The following ABCG8 variants were observed in gnomAD, a reference collection of about 807,000 sequenced individuals.
ABCG8 encodes the protein ATP-binding cassette sub-family G member 8.
A neutral mutation model predicts 71.3 loss-of-function variants in ABCG8; 81 were observed. That is an observed-to-expected ratio of 1.14 (90% confidence interval 0.95 to 1.37). ABCG8 has a LOEUF of 1.37. ABCG8 is among the 40% of genes most tolerant of loss of function. The probability of loss-of-function intolerance (pLI) is 0.00; values close to 1 mark genes in which losing one functional copy is unlikely to be tolerated. For synonymous variants in ABCG8, 451 were observed against 354.7 expected (o/e 1.27, Z -3.05); for missense variants, 1,119 against 866.2 (o/e 1.29, Z -3.66).
At position 43,839,066 on chromosome 2, in the gene ABCG8, G is replaced by A. The variant is rs201317673; in HGVS notation, c.13G>A (p.Ala5Thr). The change falls in exon 1 of 13, where the codon GCG (alanine) becomes ACG (threonine). Residue 5 changes from alanine to threonine, a missense_variant. Transcript: ENST00000272286. The part of the protein sequence containing the change: MAGK[A>T]AEERGLPKGA... ...ACCTGTGGGCCCCATGGCCGGGAAG[G>A]CGGCAGAGGAGAGAGGGCTGCCGAA... is the stretch of plus-strand genomic sequence containing the variant. The A allele has an allele frequency of 4.5e-6, 7 of 1,551,146 alleles. No individual in the cohort carries two copies. Among genetic ancestry groups the A allele is most frequent in the South Asian group, 1.2e-5 (1 of 84,044 alleles).
intron 6 of ABCG8, among the ~76,000 whole-genome samples, chr2:43,870,147 CA>C (rs1283940648): frequency 9.9e-5 from 15 of 151,918 alleles, no homozygotes; most frequent in African/African-American, 3.4e-4. Context: ...ATGGAACTCT[CA>C]CTACCTGTCT....
At chr2:43,860,466 T>A (rs933078463) in intron 6 of ABCG8, among the ~76,000 whole-genome samples, 1 of 151,428 alleles carries the variant, frequency 6.6e-6, no homozygotes, top group Non-Finnish European at 1.5e-5. Flanking sequence ...TGGATAGAAC[T>A]CTCACTATCT....
At chr2:43,875,017 C>A (rs532221631) in intron 10 of ABCG8, 129 bp from the exon 11 acceptor site, 3 of 1,348,458 alleles carry the variant, frequency 2.2e-6, no homozygotes, top group African/African-American at 1.4e-5. Context: ...CCCAGCACAC[C>A]CTCCTGCCAC....
intron 1 of ABCG8, among the ~76,000 whole-genome samples, chr2:43,843,718 T>A (rs905409537): frequency 6.6e-6 from 1 of 152,146 alleles, no homozygotes; most frequent in Middle Eastern, 3.2e-3. Flanking sequence ...GTTTAAATGA[T>A]TGAATTGTCA....
At position 43,851,509 on chromosome 2, in the gene ABCG8, G is replaced by A. The variant is rs1251967701; in HGVS notation, c.323-75G>A. 46 of 1,520,376 alleles carry A rather than the reference G, an allele frequency of 3.0e-5. No individual in the cohort carries two copies. The South Asian group carries it at 5.0e-4, about 16-fold the overall frequency. The allele number at this position is 1,520,376 out of a possible 1,614,324, so 94.2% of individuals were successfully genotyped here. ...AGAGTAGTCCGGGGTCCTGGAGAGT[G>A]TATGGGGAGCAGTGGCTGACAGCCT... On this transcript the variant is annotated intron_variant, in intron 3 of 12. Coordinates refer to ENST00000272286, the MANE Select transcript of ABCG8 (RefSeq NM_022437.3).
chr2:43,868,888 G>C (rs1423205523), intron 6 of ABCG8, among the ~76,000 whole-genome samples: 1 of 151,156 alleles, frequency 6.6e-6, no homozygotes, highest in Non-Finnish European at 1.5e-5. Flanking sequence ...CCTCTGGATA[G>C]AGCTCTCACA....
intron 8 of ABCG8, 96 bp downstream of exon 8, chr2:43,872,402 A>G: frequency 7.3e-7 from 1 of 1,371,250 alleles, no homozygotes; most frequent in Non-Finnish European, 1.0e-6. Flanking sequence ...TTAAAGGAGA[A>G]AGTGAGAGGT....
Position 43,864,695 on chromosome 2 carries a change from T to A in ABCG8, c.965-7281T>A, listed in dbSNP as rs986169582. Among the ~76,000 whole-genome samples the A allele has an allele frequency of 6.6e-5, 10 of 151,930 alleles. No individual in the cohort carries two copies. The South Asian group carries it at 2.1e-3, about 32-fold the overall frequency. ...CTCTGCATAGAACTCTCACTATCTA[T>A]CTGGATAGAATTCCCACCCTCTAGG... On this transcript the variant is annotated intron_variant, in intron 6 of 12. Transcript: ENST00000272286.
intron 1 of ABCG8, among the ~76,000 whole-genome samples, chr2:43,844,258 G>A (rs926372648): frequency 2.6e-5 from 4 of 152,128 alleles, no homozygotes; most frequent in African/African-American, 9.7e-5. Context: ...TGAGGTTGAG[G>A]TTCTCTGGGA....
chr2:43,859,881 C>G (rs1669244348), intron 6 of ABCG8, among the ~76,000 whole-genome samples: 1 of 151,426 alleles, frequency 6.6e-6, no homozygotes, highest in Non-Finnish European at 1.5e-5. Context: ...AGAACTCTCA[C>G]TATCTATCTG....
At chr2:43,854,376 C>G (rs1439257236) in intron 6 of ABCG8, among the ~76,000 whole-genome samples, 1 of 152,202 alleles carries the variant, frequency 6.6e-6, no homozygotes, top group African/African-American at 2.4e-5. Context: ...GCCTGTAATC[C>G]CAGCACTTTC....
At position 43,839,028 on chromosome 2, in the gene ABCG8, C is replaced by G. The variant is rs1440012336; in HGVS notation, c.-26C>G. 1.3e-6 allele frequency: 2 copies of G among 1,549,894 alleles called. No homozygotes were observed. On this transcript the variant is annotated 5_prime_UTR_variant, in exon 1 of 13. Coordinates refer to ENST00000272286, the MANE Select transcript of ABCG8 (RefSeq NM_022437.3). ...GCAGCTGGGTCTAAGAGAGCTGCAG[C>G]CCAGGGTCACAGACCTGTGGGCCCC...
At chr2:43,858,664 G>A (rs1669196263) in intron 6 of ABCG8, among the ~76,000 whole-genome samples, 2 of 145,028 alleles carry the variant, frequency 1.4e-5, no homozygotes, top group Admixed American at 6.8e-5. Flanking sequence ...TTCACTACCT[G>A]TCTGGATAGA....
In ABCG8 at chr2:43,852,659, T is replaced by C. The variant is rs1319111359; in HGVS notation, c.755T>C (p.Val252Ala). The change falls in exon 6 of 13, where the codon GTG becomes GCG. Residue 252 changes from valine (V) to alanine (A), a missense_variant. Physicochemically the swap from Val to Ala is moderately conservative, Grantham distance 64. Coordinates refer to ENST00000272286, the MANE Select transcript of ABCG8 (RefSeq NM_022437.3). ...GLDSFTAHNL[V>A]KTLSRLAKGN... ...GACAGCTTCACAGCCCACAACCTGG[T>C]GAAGACCTTGTCCAGGCTGGCCAAA... 6.2e-7 allele frequency: 1 copy of C among 1,614,190 alleles called. No individual in the cohort carries two copies. The highest frequency in any genetic ancestry group is 1.1e-5 in the South Asian group (1 of 91,088).
At position 43,878,018 on chromosome 2, in the gene ABCG8, C is replaced by T. The variant is rs1051600728; in HGVS notation, c.*105C>T. The T allele has an allele frequency of 1.3e-6, 2 of 1,532,752 alleles. No individual in the cohort carries two copies. The highest frequency in any genetic ancestry group is 2.7e-5 in the African/African-American group (2 of 73,200). 94.9% of individuals were successfully genotyped at this position (1,532,752 alleles called of 1,614,324 possible). A position where few individuals can be genotyped will look rare whatever the true frequency, so the allele number is the denominator to read the frequency against. On this transcript the variant is annotated 3_prime_UTR_variant, in exon 13 of 13. Coordinates refer to ENST00000272286, the MANE Select transcript of ABCG8 (RefSeq NM_022437.3). ...GGGGACAGTGAGGACAATGACCCTA[C>T]AGATGCTCAGCTACATCCGGCCCAG...
intron 3 of ABCG8, among the ~76,000 whole-genome samples, chr2:43,851,247 G>A (rs766980524): frequency 4.6e-5 from 7 of 152,214 alleles, no homozygotes; most frequent in African/African-American, 1.2e-4. Flanking sequence ...GGTGGCAGGA[G>A]GGGACAAATG....
chr2:43,869,823 C>T (rs1453074876), intron 6 of ABCG8, among the ~76,000 whole-genome samples: 22 of 150,522 alleles, frequency 1.5e-4, no homozygotes, highest in Admixed American at 1.5e-3. Context: ...CACCATCTGG[C>T]TAGAACCCTC....
chr2:43,873,351 A>G (rs1669846278), intron 8 of ABCG8, among the ~76,000 whole-genome samples: 1 of 151,548 alleles, frequency 6.6e-6, no homozygotes, highest in Non-Finnish European at 1.5e-5. Flanking sequence ...ACCACTCCTG[A>G]CTAATTTTTT....
In ABCG8 at chr2:43,879,746, G is replaced by GT. The variant is rs1558868531; in HGVS notation, c.*1836dup. On this transcript the variant is annotated 3_prime_UTR_variant, in exon 13 of 13. Coordinates refer to ENST00000272286, the MANE Select transcript of ABCG8 (RefSeq NM_022437.3). ...TCACTTTTGTGACCTTGATACTTGA[G>GT]TTTGAAGGCTGTCTCTCAATTTGTG... The GT allele has an allele frequency of 1.3e-5, 2 of 152,162 alleles. No homozygotes were observed. The highest frequency in any genetic ancestry group is 2.9e-5 in the Non-Finnish European group (2 of 68,040). 9.4% of individuals were successfully genotyped at this position (152,162 alleles called of 1,614,324 possible). A position where few individuals can be genotyped will look rare whatever the true frequency, so the allele number is the denominator to read the frequency against.
Sources: allele counts gnomAD v4.1 joint callset (sites outside exome capture counted in the v4.1 genomes callset), GRCh38; gene constraint gnomAD v4.1.1; transcripts MANE v1.5; gene names NCBI Gene and HGNC (gene_info 2026-07-23, HGNC 2026-07-21).